The following PTPN3 variants were observed in gnomAD, a reference collection of about 807,000 sequenced individuals.
PTPN3 encodes the protein tyrosine-protein phosphatase non-receptor type 3.
A neutral mutation model predicts 132.7 loss-of-function variants in PTPN3; 96 were observed. The ratio of observed to expected loss-of-function variants is 0.72; its 90% CI spans 0.61 to 0.86. The LOEUF (loss-of-function observed/expected upper bound fraction) is 0.86. PTPN3 is among the 40% of genes least tolerant of loss of function. The pLI, the probability that PTPN3 is intolerant of heterozygous loss-of-function variation, is 0.00. For synonymous variants in PTPN3, 398 were observed against 429.0 expected, an observed-to-expected ratio of 0.93 and a Z score of 0.89; for missense variants, 1,125 against 1,159.6, an observed-to-expected ratio of 0.97 and a Z score of 0.43.
intron 19 of PTPN3, among the ~76,000 whole-genome samples, chr9:109,393,643 T>C (rs962555927): frequency 2.0e-5 from 3 of 152,126 alleles, no homozygotes; most frequent in Non-Finnish European, 4.4e-5. Context: ...CACCTCGGCC[T>C]CTGAAAGTGC....
In PTPN3 at chr9:109,376,071, G is replaced by C. The variant is rs193101927; in HGVS notation, c.*3485C>G. ...GACAAACTCTTGGTGACAAGTCTCAGAAATGTGACATGTCTCTGTAGCAGC... is the reference window on the plus strand; with the variant it reads ...GACAAACTCTTGGTGACAAGTCTCACAAATGTGACATGTCTCTGTAGCAGC... On this transcript the variant is annotated 3_prime_UTR_variant, in exon 26 of 26. Transcript: ENST00000374541. The C allele has an allele frequency of 6.6e-6, 1 of 152,352 alleles. No homozygotes were observed. The highest frequency in any genetic ancestry group is 1.9e-4 in the East Asian group (1 of 5,196). The allele number at this position is 152,352 out of a possible 1,614,324, so 9.4% of individuals were successfully genotyped here. A position where few individuals can be genotyped will look rare whatever the true frequency, so the allele number is the denominator to read the frequency against.
At chr9:109,484,991 G>C (rs965291441) in intron 1 of PTPN3, among the ~76,000 whole-genome samples, 1 of 152,052 alleles carries the variant, frequency 6.6e-6, no homozygotes, top group Non-Finnish European at 1.5e-5. Flanking sequence ...GCACCTTGGA[G>C]GCCAAGGTGG....
At chr9:109,523,661 G>T in the PTPN3 span, among the ~76,000 whole-genome samples, 1 of 152,274 alleles carries the variant, frequency 6.6e-6, no homozygotes, top group Non-Finnish European at 1.5e-5. Context: ...GGTGACCTGG[G>T]GACCCTCTGG....
chr9:109,436,738 A>G, intron 9 of PTPN3, 145 bp downstream of exon 9: 13 of 1,273,550 alleles, frequency 1.0e-5, no homozygotes, highest in Non-Finnish European at 1.3e-5. Context: ...CAAAAAATTC[A>G]GCATTACTTA....
At chr9:109,462,705 C>T (rs73654246) in intron 2 of PTPN3, among the ~76,000 whole-genome samples, 1 of 151,892 alleles carries the variant, frequency 6.6e-6, no homozygotes, top group Admixed American at 6.5e-5. Flanking sequence ...CTGGCTCTGC[C>T]ACGGGCTTTA....
intron 6 of PTPN3, among the ~76,000 whole-genome samples, chr9:109,447,679 T>C (rs1293141206): frequency 6.6e-6 from 1 of 152,204 alleles, no homozygotes; most frequent in African/African-American, 2.4e-5. Context: ...CCCAGGTCTC[T>C]GGCCTGGATG....
intron 1 of PTPN3, among the ~76,000 whole-genome samples, chr9:109,487,195 G>A (rs575640169): frequency 2.6e-5 from 4 of 152,310 alleles, no homozygotes; most frequent in Non-Finnish European, 5.9e-5. Flanking sequence ...GAAGAGCCAA[G>A]GTGTGGAAGG....
At chr9:109,480,249 G>T (rs1361914761) in intron 1 of PTPN3, among the ~76,000 whole-genome samples, 1 of 152,176 alleles carries the variant, frequency 6.6e-6, no homozygotes, top group Non-Finnish European at 1.5e-5. Flanking sequence ...TCTTGGCTCA[G>T]TGTAACCTGT....
intron 11 of PTPN3, among the ~76,000 whole-genome samples, chr9:109,427,992 G>T (rs540591022): frequency 2.0e-5 from 3 of 152,164 alleles, no homozygotes; most frequent in African/African-American, 7.2e-5. Flanking sequence ...TCTCTGTATG[G>T]ATGAGCAAAT....
chr9:109,460,854 C>T (rs536054229), intron 2 of PTPN3, among the ~76,000 whole-genome samples: 5 of 152,318 alleles, frequency 3.3e-5, no homozygotes, highest in African/African-American at 1.2e-4. Context: ...GTTTTGTGCA[C>T]TGTTGCCATT....
intron 14 of PTPN3, 148 bp from the exon 15 acceptor site, chr9:109,410,563 C>T: frequency 1.3e-5 from 11 of 856,276 alleles, no homozygotes; most frequent in Non-Finnish European, 1.8e-5. Context: ...TTGAGTACAC[C>T]CAGGGCCCAC....
chr9:109,497,878 C>T (rs1476571772), intron 1 of PTPN3, among the ~76,000 whole-genome samples: 2 of 151,090 alleles, frequency 1.3e-5, no homozygotes, highest in Non-Finnish European at 1.5e-5. Flanking sequence ...TCCGGAGGTG[C>T]CGGACGCACG....
chr9:109,412,624 C>T (rs369442505), intron 14 of PTPN3, among the ~76,000 whole-genome samples: 5 of 152,166 alleles, frequency 3.3e-5, no homozygotes, highest in South Asian at 2.1e-4. Context: ...CCACCTGCCT[C>T]GGCCTCCCAA....
the PTPN3 span, among the ~76,000 whole-genome samples, chr9:109,513,056 T>G: frequency 3.0e-3 from 450 of 152,350 alleles, 10 homozygotes; most frequent in Admixed American, 0.021. Context: ...TTGCCCAGAC[T>G]GGGGTGCAGT....
chr9:109,528,232 C>G, the PTPN3 span, among the ~76,000 whole-genome samples: 3 of 152,092 alleles, frequency 2.0e-5, no homozygotes, highest in Non-Finnish European at 4.4e-5. Flanking sequence ...TGTCACGTGG[C>G]AAATACCCAA....
At chr9:109,534,783 CAA>C in the PTPN3 span, among the ~76,000 whole-genome samples, 1 of 151,554 alleles carries the variant, frequency 6.6e-6, no homozygotes, top group East Asian at 2.0e-4. Context: ...GCCCGGAAGA[CAA>C]GAGCGAGACT....
At chr9:109,509,214 T>TCCC in the PTPN3 span, among the ~76,000 whole-genome samples, 1 of 152,182 alleles carries the variant, frequency 6.6e-6, no homozygotes, top group African/African-American at 2.4e-5. Context: ...TAAAACCCTC[T>TCCC]TAGTGTCTCA....
rs372689393 is a variant in PTPN3, at chr9:109,408,341, T to G, written c.1615A>C (p.Arg539=). The change falls in exon 17 of 26, where the codon AGG becomes CGG. Residue 539 remains arginine (R), a synonymous_variant. Transcript: ENST00000374541. ...CTTACAGGTGACTCTGGGTTTATCC[T>G]TGATACCACAAGAGGCATCTTTTGA... is the stretch of plus-strand genomic sequence containing the variant. ...VDQKMPLVVS[R]INPESPADTC... 1.8e-5 allele frequency: 29 copies of G among 1,585,392 alleles called. No individual in the cohort carries two copies. The East Asian group carries it at 4.8e-4, about 26-fold the overall frequency.
intron 1 of PTPN3, among the ~76,000 whole-genome samples, chr9:109,482,453 C>T (rs1270863225): frequency 6.6e-6 from 1 of 151,976 alleles, no homozygotes; most frequent in East Asian, 1.9e-4. Context: ...AAAAAAACCC[C>T]ACATGTGTTA....
Sources: allele counts gnomAD v4.1 joint callset (sites outside exome capture counted in the v4.1 genomes callset), GRCh38; gene constraint gnomAD v4.1.1; transcripts MANE v1.5; gene names NCBI Gene and HGNC (gene_info 2026-07-23, HGNC 2026-07-21).